The following FSTL1 variants were observed in gnomAD, a reference collection of about 807,000 sequenced individuals.
The protein encoded by FSTL1 is follistatin-related protein 1.
A neutral mutation model predicts 45.9 loss-of-function variants in FSTL1; 24 were observed. The observed-to-expected ratio is 0.52, with a 90% CI of 0.38 to 0.74. The LOEUF (loss-of-function observed/expected upper bound fraction) is 0.74, where lower values mean the gene tolerates loss of function less well. FSTL1 is among the 30% of genes least tolerant of loss of function. The probability of loss-of-function intolerance (pLI) is 0.00; values close to 1 mark genes in which losing one functional copy is unlikely to be tolerated. For missense variants in FSTL1, 340 were observed against 381.8 expected (o/e 0.89, Z 0.91); for synonymous variants, 120 against 137.6 (o/e 0.87, Z 0.89).
chr3:120,450,499 C>T (rs1349493177), intron 2 of FSTL1, among the ~76,000 whole-genome samples, 185 bp downstream of exon 2: 1 of 152,156 alleles, frequency 6.6e-6, no homozygotes, highest in Non-Finnish European at 1.5e-5. Context: ...AACTACTTTT[C>T]CTGCTTTAAA....
At chr3:120,397,279 A>T (rs963300865) in intron 10 of FSTL1, among the ~76,000 whole-genome samples, 1 of 152,228 alleles carries the variant, frequency 6.6e-6, no homozygotes, top group East Asian at 1.9e-4. Context: ...AAGGATGAAG[A>T]AAATGATGTT....
At chr3:120,448,098 T>A (rs1364704135) in intron 2 of FSTL1, among the ~76,000 whole-genome samples, 4 of 152,244 alleles carry the variant, frequency 2.6e-5, no homozygotes, top group African/African-American at 4.8e-5. Context: ...TCTTCAAATA[T>A]CAACATGATT....
At chr3:120,398,908 G>A (rs970316424) in intron 10 of FSTL1, among the ~76,000 whole-genome samples, 37 of 152,254 alleles carry the variant, frequency 2.4e-4, no homozygotes, top group African/African-American at 8.4e-4. Flanking sequence ...AATTTGAAAA[G>A]CAAAAGACTA....
At chr3:120,408,273 G>A (rs1021060340) in intron 6 of FSTL1, among the ~76,000 whole-genome samples, 1 of 152,222 alleles carries the variant, frequency 6.6e-6, no homozygotes, top group Non-Finnish European at 1.5e-5. Flanking sequence ...TCTGTAATGT[G>A]GGAGTGATTG....
intron 3 of FSTL1, among the ~76,000 whole-genome samples, chr3:120,412,836 G>GCACA (rs1489987751): frequency 6.3e-3 from 462 of 72,768 alleles, no homozygotes; most frequent in African/African-American, 0.015. Context: ...GCGCGCGCGC[G>GCACA]CGCACACACA....
At chr3:120,415,663 A>G in intron 3 of FSTL1, 1 of 351,564 alleles carries the variant, frequency 2.8e-6, no homozygotes, top group Non-Finnish European at 5.1e-6. Flanking sequence ...GCTTGTGTAA[A>G]TGTCTGTACT....
At chr3:120,403,944 ACAAAAAC>A (rs1936888455) in intron 7 of FSTL1, among the ~76,000 whole-genome samples, 3 of 112,622 alleles carry the variant, frequency 2.7e-5, no homozygotes, top group Admixed American at 1.8e-4. Flanking sequence ...AAAAAAAAAA[ACAAAAAC>A]AAAACAAAAC....
Position 120,396,609 on chromosome 3 carries a change from T to G in FSTL1, c.*343A>C, listed in dbSNP as rs928650760. 2 of 231,248 alleles carry G rather than the reference T, an allele frequency of 8.6e-6. No homozygotes were observed. Among genetic ancestry groups the G allele is most frequent in the African/African-American group, 4.6e-5 (2 of 43,546 alleles). 14.3% of individuals were successfully genotyped at this position (231,248 alleles called of 1,614,324 possible). A position where few individuals can be genotyped will look rare whatever the true frequency, so the allele number is the denominator to read the frequency against. On this transcript the variant is annotated 3_prime_UTR_variant, in exon 11 of 11. Coordinates refer to ENST00000295633, the MANE Select transcript of FSTL1 (RefSeq NM_007085.5). ...CTGCTAAGTTCTCTCTGGCATCGTG[T>G]GCACTCCCTGCAGCCTGCTGACAGA...
At chr3:120,409,692 G>C (rs200383351) in intron 5 of FSTL1, 30 bp from the exon 6 acceptor site, 1 of 1,611,712 alleles carries the variant, frequency 6.2e-7, no homozygotes, top group African/African-American at 1.3e-5. Flanking sequence ...GTCAGCTGGA[G>C]CAGTCAGGGG....
At chr3:120,450,630 G>T in intron 2 of FSTL1, 54 bp downstream of exon 2, 2 of 1,262,482 alleles carry the variant, frequency 1.6e-6, no homozygotes, top group Non-Finnish European at 2.1e-6. Flanking sequence ...CGCCCAGCGC[G>T]CAGACCCAAG....
chr3:120,399,427 T>C (rs1936771666), intron 10 of FSTL1, among the ~76,000 whole-genome samples: 1 of 152,198 alleles, frequency 6.6e-6, no homozygotes, highest in Non-Finnish European at 1.5e-5. Context: ...GTGGCCCAAA[T>C]CCACTGCTTT....
intron 6 of FSTL1, among the ~76,000 whole-genome samples, chr3:120,408,052 G>A (rs766729053): frequency 5.9e-5 from 9 of 152,346 alleles, no homozygotes; most frequent in Non-Finnish European, 1.2e-4. Flanking sequence ...TGGCCCCTGG[G>A]AAGGAGTGTC....
In FSTL1 at chr3:120,414,781, G is replaced by A. The variant is rs1430045865; in HGVS notation, c.168+1142C>T. Among the ~76,000 whole-genome samples the A allele has an allele frequency of 7.2e-5, 11 of 151,954 alleles. No homozygotes were observed. The South Asian group carries it at 8.4e-4, about 12-fold the overall frequency. ...GCAAGATGTGCTTTGTTAAACAGAC[G>A]CTTGAAGGCAGCATGCTCATTAAGA... is the stretch of plus-strand genomic sequence containing the variant. On this transcript the variant is annotated intron_variant, in intron 3 of 10. Transcript: ENST00000295633.
chr3:120,407,288 G>A (rs1421831509), intron 6 of FSTL1, among the ~76,000 whole-genome samples: 1 of 152,242 alleles, frequency 6.6e-6, no homozygotes, highest in Non-Finnish European at 1.5e-5. Context: ...AGCTGGGGCT[G>A]TGTGGGCTGT....
At chr3:120,399,351 G>A (rs140745658) in intron 10 of FSTL1, among the ~76,000 whole-genome samples, 59 of 152,274 alleles carry the variant, frequency 3.9e-4, no homozygotes, top group African/African-American at 1.4e-3. Context: ...CTCTGGGAAG[G>A]AGACTCTTTG....
chr3:120,410,503 T>A, intron 5 of FSTL1: 1 of 309,612 alleles, frequency 3.2e-6, no homozygotes, highest in Non-Finnish European at 6.4e-6. Flanking sequence ...AAGGAAAGTA[T>A]GTGCAAAAAA....
At chr3:120,439,687 A>G (rs1289334634) in intron 2 of FSTL1, among the ~76,000 whole-genome samples, 1 of 152,184 alleles carries the variant, frequency 6.6e-6, no homozygotes, top group African/African-American at 2.4e-5. Context: ...GGTACATGAC[A>G]CACTTGTGCA....
At chr3:120,446,264 C>T (rs764139996) in intron 2 of FSTL1, among the ~76,000 whole-genome samples, 5 of 152,192 alleles carry the variant, frequency 3.3e-5, no homozygotes, top group Admixed American at 6.5e-5. Context: ...ACTTTCTTTT[C>T]GTCTTTGGGG....
chr3:120,418,372 C>T (rs766277974), intron 2 of FSTL1, among the ~76,000 whole-genome samples: 9 of 152,166 alleles, frequency 5.9e-5, no homozygotes, highest in Non-Finnish European at 1.3e-4. Context: ...TCTTCAACCA[C>T]TGATAACTAA....
Sources: allele counts gnomAD v4.1 joint callset (sites outside exome capture counted in the v4.1 genomes callset), GRCh38; gene constraint gnomAD v4.1.1; transcripts MANE v1.5; gene names NCBI Gene and HGNC (gene_info 2026-07-23, HGNC 2026-07-21).